Variants in DNMT3A observed in about 807,000 individuals in gnomAD.
DNMT3A encodes the protein DNA (cytosine-5)-methyltransferase 3A.
DNMT3A carries 267 observed loss-of-function variants against 117.6 expected under a neutral mutation model. The ratio of observed to expected loss-of-function variants is 2.27; its 90% CI spans 2.05 to 2.51. The LOEUF is 2.51. Among genes scored for constraint, DNMT3A ranks in the 30% most tolerant of loss-of-function variants. DNMT3A has a pLI of 0.00. For missense variants in DNMT3A, 1,029 were observed against 1,260.2 expected, an observed-to-expected ratio of 0.82 and a Z score of 2.78; for synonymous variants, 432 against 474.8, an observed-to-expected ratio of 0.91 and a Z score of 1.17.
chr2:25,317,978 G>C lies in DNMT3A; in HGVS notation c.-177-3817C>G, dbSNP rs147776022. ...TCGAACTCCCAATCTCAGGTGATCT[G>C]CCCACGTCAGCCTCCCAAAGTGCTG... On this transcript the variant is annotated intron_variant, in intron 1 of 22. Transcript: ENST00000321117. Among the ~76,000 whole-genome samples, 983 of 152,128 alleles carry C rather than the reference G, an allele frequency of 6.5e-3. 9 individuals are homozygous for C. Among genetic ancestry groups the C allele is most frequent in the African/African-American group, 0.023 (945 of 41,496 alleles).
At chr2:25,295,189 G>A (rs141896644) in intron 3 of DNMT3A, among the ~76,000 whole-genome samples, 3,963 of 152,204 alleles carry the variant, frequency 0.026, 78 homozygotes, top group Middle Eastern at 0.048. Flanking sequence ...TTGTCACCCT[G>A]CAACATCCTT....
At position 25,249,690 on chromosome 2, in the gene DNMT3A, G is replaced by A. The variant is rs377437429; in HGVS notation, c.640-1438C>T. ...ACTCGTCTTTCAGGCTACGATCCAC[G>A]CGCCCATTCCTTCTCACAACCCGCT... On this transcript the variant is annotated intron_variant, in intron 6 of 22. Coordinates refer to ENST00000321117, the MANE Select transcript of DNMT3A (RefSeq NM_022552.5). The A allele has an allele frequency of 7.2e-5, 117 of 1,614,066 alleles. No individual in the cohort carries two copies. The highest frequency in any genetic ancestry group is 3.3e-4 in the Middle Eastern group (2 of 6,062).
chr2:25,244,275 C>T lies in DNMT3A; in HGVS notation c.1731G>A (p.Lys577=). ...ACATGTAGCAGTTCCAGGGGTCTTC[C>T]TTAATGGCTGCCTGGGCAGCCCCCG... is the stretch of plus-strand genomic sequence containing the variant. ...VGPGAAQAAI[K]EDPWNCYMCG... Residue 577 remains lysine (K), a synonymous_variant, in exon 15 of 23, where the codon AAG becomes AAA. Transcript: ENST00000321117. The T allele has an allele frequency of 6.2e-7, 1 of 1,613,546 alleles. No individual in the cohort carries two copies. The highest frequency in any genetic ancestry group is 8.5e-7 in the Non-Finnish European group (1 of 1,179,836).
At chr2:25,245,223 G>A (rs763851090) in intron 13 of DNMT3A, 30 bp downstream of exon 13, 5 of 1,608,922 alleles carry the variant, frequency 3.1e-6, no homozygotes, top group Admixed American at 1.7e-5. Flanking sequence ...CGGCCTCAAC[G>A]GCACCTCTCC....
Position 25,241,625 on chromosome 2 carries a change from G to T in DNMT3A, c.2019C>A (p.Gly673=). Residue 673 remains glycine (G), a synonymous_variant, in exon 17 of 23, where the codon GGC becomes GGA. Coordinates refer to ENST00000321117, the MANE Select transcript of DNMT3A (RefSeq NM_022552.5). The stretch of plus-strand genomic sequence containing the variant: ...TGATCTTCCCCTGGTGCCGCACCAT[G>T]CCCACCGTGATGGAGTCCTCACACA... ...SEVCEDSITV[G]MVRHQGKIMY... is the part of the protein sequence containing the mutation. 2 of 1,613,904 alleles carry T rather than the reference G, an allele frequency of 1.2e-6. No individual in the cohort carries two copies. The highest frequency in any genetic ancestry group is 2.2e-5 in the East Asian group (1 of 44,850).
chr2:25,283,254 C>T (rs935013133), intron 3 of DNMT3A, among the ~76,000 whole-genome samples: 4 of 149,756 alleles, frequency 2.7e-5, no homozygotes, highest in South Asian at 2.1e-4. Flanking sequence ...CCCAGGTACT[C>T]GGGAGGCTGA....
Position 25,230,914 on chromosome 2 carries a change from G to GCACTC in DNMT3A, c.*3360_*3364dup, listed in dbSNP as rs1294573375. ...AGCCATAAGGGCTCCTCTGTGCCCA[G>GCACTC]CACTCCCTCCTCGAGCAAGCCGGCC... On this transcript the variant is annotated 3_prime_UTR_variant, in exon 23 of 23. Transcript: ENST00000321117. 1.3e-5 allele frequency: 2 copies of GCACTC among 150,672 alleles called. No individual in the cohort carries two copies. Among genetic ancestry groups the GCACTC allele is most frequent in the Admixed American group, 1.3e-4 (2 of 14,990 alleles). The allele number at this position is 150,672 out of a possible 1,614,324, so 9.3% of individuals were successfully genotyped here. A position where few individuals can be genotyped will look rare whatever the true frequency, so the allele number is the denominator to read the frequency against.
rs1243914939 is a variant in DNMT3A at position 25,296,645 on chromosome 2, T to C, written c.177+3494A>G. ...TGGTCAGTGCTCAGGAAGTGGAAAG[T>C]GTTTGTCGTGAAGGGAGCACACTGG... On this transcript the variant is annotated intron_variant, in intron 3 of 22. Transcript: ENST00000321117. This position sits in a 1 kb window ranked among gnomAD's most constrained non-coding sequence, Gnocchi z 4.2. 6.6e-6 allele frequency among the ~76,000 whole-genome samples: 1 copy of C among 152,118 alleles called. No homozygotes were observed. Among genetic ancestry groups the C allele is most frequent in the African/African-American group, 2.4e-5 (1 of 41,410 alleles).
chr2:25,299,324 C>T (rs946460271), intron 3 of DNMT3A, among the ~76,000 whole-genome samples: 2 of 152,220 alleles, frequency 1.3e-5, no homozygotes, highest in Non-Finnish European at 2.9e-5. Flanking sequence ...GGACTTCCTT[C>T]CCCAGGGCCC....
At chr2:25,340,309 G>C (rs1161046001) in intron 1 of DNMT3A, among the ~76,000 whole-genome samples, 1 of 152,222 alleles carries the variant, frequency 6.6e-6, no homozygotes, top group Non-Finnish European at 1.5e-5. Context: ...TGGCCGTGCA[G>C]CGGAGAGAGG....
chr2:25,314,185 G>C (rs2034269913), intron 1 of DNMT3A, 24 bp from the exon 2 acceptor site: 1 of 1,414,850 alleles, frequency 7.1e-7, no homozygotes, highest in East Asian at 2.6e-5. Flanking sequence ...AAGAGGATCA[G>C]TGGGGCGGAG....
chr2:25,268,123 G>A (rs185621395), intron 6 of DNMT3A, among the ~76,000 whole-genome samples: 1 of 152,288 alleles, frequency 6.6e-6, no homozygotes, highest in East Asian at 1.9e-4. Flanking sequence ...TCAGTGTGGC[G>A]AGGGAAGGGA....
intron 2 of DNMT3A, among the ~76,000 whole-genome samples, chr2:25,308,972 C>CACACACAG (rs1391317211): frequency 6.7e-6 from 1 of 149,722 alleles, no homozygotes; most frequent in Non-Finnish European, 1.5e-5. Context: ...GATGCATACA[C>CACACACAG]ACACACACAC....
intron 1 of DNMT3A, among the ~76,000 whole-genome samples, chr2:25,318,698 CTTTT>C (rs375722790): frequency 4.5e-5 from 6 of 132,254 alleles, no homozygotes; most frequent in Non-Finnish European, 3.3e-5. Context: ...TTTTTCTTTT[CTTTT>C]TTTTTTTTTT....
intron 2 of DNMT3A, among the ~76,000 whole-genome samples, chr2:25,308,989 ACACACACACACG>A (rs1157536428): frequency 2.0e-5 from 3 of 151,914 alleles, no homozygotes; most frequent in Non-Finnish European, 2.9e-5. Flanking sequence ...ACACACACAC[ACACACACACACG>A]CACGCACATG....
intron 1 of DNMT3A, among the ~76,000 whole-genome samples, chr2:25,321,294 T>C (rs1224216986): frequency 6.6e-6 from 1 of 152,206 alleles, no homozygotes; most frequent in East Asian, 1.9e-4. Flanking sequence ...GAGGCTGCCC[T>C]CATTCCTTGC....
chr2:25,241,653 T>C lies in DNMT3A; in HGVS notation c.1991A>G (p.Glu664Gly), dbSNP rs1674051936. Residue 664 changes from glutamate to glycine, a missense_variant, in exon 17 of 23, where the codon GAG becomes GGG. Physicochemically the swap from Glu to Gly is moderately conservative, Grantham distance 98. Coordinates refer to ENST00000321117, the MANE Select transcript of DNMT3A (RefSeq NM_022552.5). Reference sequence around the variant, plus strand: ...CACCGTGATGGAGTCCTCACACACCTCCGAGGCAATGTAGCGGTCCACCTG... The same window carrying C: ...CACCGTGATGGAGTCCTCACACACCCCCGAGGCAATGTAGCGGTCCACCTG... ...GIQVDRYIAS[E>G]VCEDSITVGM... 1 of 1,613,814 alleles carries C rather than the reference T, an allele frequency of 6.2e-7. No individual in the cohort carries two copies. The highest frequency in any genetic ancestry group is 8.5e-7 in the Non-Finnish European group (1 of 1,179,978).
upstream of DNMT3A, chr2:25,341,961 C>G: frequency 2.0e-6 from 2 of 976,390 alleles, no homozygotes; most frequent in Non-Finnish European, 2.4e-6. Context: ...GCCTGCCTCG[C>G]TCGCTCGCTC....
At chr2:25,332,564 T>A (rs936685513) in intron 1 of DNMT3A, among the ~76,000 whole-genome samples, 2 of 152,262 alleles carry the variant, frequency 1.3e-5, no homozygotes, top group African/African-American at 4.8e-5. Context: ...TTTGTGGATC[T>A]GAGGCAGGGA....
Sources: allele counts gnomAD v4.1 joint callset (sites outside exome capture counted in the v4.1 genomes callset), GRCh38; gene constraint gnomAD v4.1.1; non-coding constraint Gnocchi (gnomAD v3.1); transcripts MANE v1.5; gene names NCBI Gene and HGNC (gene_info 2026-07-23, HGNC 2026-07-21).